KCNT1: variants seen among roughly 807,000 people sequenced by gnomAD.
The protein encoded by KCNT1 is potassium channel subfamily T member 1.
A neutral mutation model predicts 147.8 loss-of-function variants in KCNT1; 78 were observed. The ratio of observed to expected loss-of-function variants is 0.53; its 90% CI spans 0.44 to 0.64. The LOEUF is 0.64. Among genes scored for constraint, KCNT1 ranks in the 30% least tolerant of loss-of-function variants. The pLI, the probability that KCNT1 is intolerant of heterozygous loss-of-function variation, is 0.00. For synonymous variants in KCNT1, 867 were observed against 748.8 expected (o/e 1.16, Z -2.58); for missense variants, 1,419 against 1,750.3 (o/e 0.81, Z 3.38).
At chr9:135,724,613 A>G (rs1293532086) in intron 2 of KCNT1, among the ~76,000 whole-genome samples, 1 of 152,256 alleles carries the variant, frequency 6.6e-6, no homozygotes, top group Non-Finnish European at 1.5e-5. Context: ...CTGGTTAAAT[A>G]TGACTGTCAG....
intron 9 of KCNT1, 58 bp downstream of exon 9, chr9:135,757,439 G>A: frequency 6.7e-7 from 1 of 1,501,556 alleles, no homozygotes; most frequent in East Asian, 2.3e-5. Context: ...AGCCTCACCG[G>A]CCCTGGAAGA....
chr9:135,732,448 A>G (rs1830139925), intron 2 of KCNT1, among the ~76,000 whole-genome samples: 1 of 152,098 alleles, frequency 6.6e-6, no homozygotes, highest in Non-Finnish European at 1.5e-5. Context: ...TGCTGGTCAG[A>G]GCCAGCCATC....
At chr9:135,722,092 T>C (rs1281167391) in intron 2 of KCNT1, among the ~76,000 whole-genome samples, 8 of 152,118 alleles carry the variant, frequency 5.3e-5, no homozygotes. Flanking sequence ...AACGGTGTCT[T>C]GTGGGGCATC....
intron 2 of KCNT1, among the ~76,000 whole-genome samples, chr9:135,731,983 TATATATATAGAGAGAGAGAGAG>T (rs1410705463): frequency 1.2e-4 from 3 of 24,906 alleles, no homozygotes; most frequent in African/African-American, 3.0e-4. Flanking sequence ...TATATATATA[TATATATATAGAGAGAGAGAGAG>T]AGAGAGAGAG....
intron 6 of KCNT1, among the ~76,000 whole-genome samples, chr9:135,756,313 T>C (rs143778620): frequency 3.3e-5 from 5 of 152,226 alleles, no homozygotes; most frequent in Admixed American, 6.5e-5. Context: ...AATCTCTCCC[T>C]CCACTGACCC....
rs960306857 is a variant in KCNT1, at chr9:135,730,842, C to T, written c.254+16122C>T. On this transcript the variant is annotated intron_variant, in intron 2 of 30. Coordinates refer to ENST00000371757, the MANE Select transcript of KCNT1 (RefSeq NM_020822.3). This position sits in a 1 kb window ranked among gnomAD's most constrained non-coding sequence, Gnocchi z 4.7. Reference sequence around the variant, plus strand: ...CTCTACAAAAAATACAAAACTTAGCCGAGCATGGTGGTGCATGCCTGTAGT... The same window carrying T: ...CTCTACAAAAAATACAAAACTTAGCTGAGCATGGTGGTGCATGCCTGTAGT... Among the ~76,000 whole-genome samples the T allele has an allele frequency of 7.2e-5, 11 of 151,740 alleles. No homozygotes were observed. Among genetic ancestry groups the T allele is most frequent in the African/African-American group, 2.4e-4 (10 of 41,304 alleles).
At chr9:135,706,693 G>A (rs1487136179) in intron 1 of KCNT1, among the ~76,000 whole-genome samples, 1 of 152,178 alleles carries the variant, frequency 6.6e-6, no homozygotes, top group Non-Finnish European at 1.5e-5. Flanking sequence ...TGCTTCACAG[G>A]CACCAATAGT....
At chr9:135,716,446 G>T (rs181528350) in intron 2 of KCNT1, among the ~76,000 whole-genome samples, 30 of 152,326 alleles carry the variant, frequency 2.0e-4, no homozygotes, top group African/African-American at 7.0e-4. Context: ...GATCCTGGGT[G>T]TGGTTTTTTA....
chr9:135,748,087 A>G (rs1314335059), intron 2 of KCNT1, among the ~76,000 whole-genome samples: 2 of 152,172 alleles, frequency 1.3e-5, no homozygotes, highest in Non-Finnish European at 2.9e-5. Context: ...GACTACAGGC[A>G]CGTGCCGCCA....
intron 15 of KCNT1, among the ~76,000 whole-genome samples, chr9:135,769,303 G>T (rs1001461714): frequency 1.3e-5 from 2 of 149,342 alleles, no homozygotes; most frequent in Non-Finnish European, 3.0e-5. Flanking sequence ...GGCAGGGCGC[G>T]TGTGCACACG....
At chr9:135,786,854 C>T (rs1834096831) in intron 29 of KCNT1, among the ~76,000 whole-genome samples, 1 of 152,246 alleles carries the variant, frequency 6.6e-6, no homozygotes, top group South Asian at 2.1e-4. Flanking sequence ...GTTTCCCTCT[C>T]TGCCAAATTA....
In KCNT1 at chr9:135,752,121, G is replaced by A. The variant is rs1476607979; in HGVS notation, c.434+1080G>A. ...GCGCTGAGGGGCTCTGCAGCCACGT[G>A]TGTGGTGTGGTTGTCACCATCCAGC... is the stretch of plus-strand genomic sequence containing the variant. On this transcript the variant is annotated intron_variant, in intron 4 of 30. Coordinates refer to ENST00000371757, the MANE Select transcript of KCNT1 (RefSeq NM_020822.3). The surrounding 1 kb of genome is among the most constrained non-coding windows in gnomAD (Gnocchi z 5.1). 3.1e-6 allele frequency: 1 copy of A among 321,260 alleles called. No individual in the cohort carries two copies. Among genetic ancestry groups the A allele is most frequent in the Non-Finnish European group, 6.2e-6 (1 of 162,302 alleles). 19.9% of individuals were successfully genotyped at this position (321,260 alleles called of 1,614,324 possible). A position where few individuals can be genotyped will look rare whatever the true frequency, so the allele number is the denominator to read the frequency against.
At chr9:135,746,160 A>G (rs1830823627) in intron 2 of KCNT1, among the ~76,000 whole-genome samples, 1 of 152,188 alleles carries the variant, frequency 6.6e-6, no homozygotes, top group Non-Finnish European at 1.5e-5. Context: ...AATTAAAAGC[A>G]GAGGAGGCTT....
At chr9:135,768,401 C>T (rs1445125219) in intron 13 of KCNT1, 3 of 467,864 alleles carry the variant, frequency 6.4e-6, no homozygotes, top group Admixed American at 3.8e-5. Flanking sequence ...GACTCCTGAC[C>T]AGCAGAGAGT....
At chr9:135,763,789 C>T (rs1267308122) in intron 11 of KCNT1, among the ~76,000 whole-genome samples, 2 of 152,180 alleles carry the variant, frequency 1.3e-5, no homozygotes, top group African/African-American at 4.8e-5. Context: ...GCAGATAGGA[C>T]TTTTAGGGTC....
At chr9:135,786,755 A>T (rs1327428209) in intron 29 of KCNT1, among the ~76,000 whole-genome samples, 3 of 152,186 alleles carry the variant, frequency 2.0e-5, no homozygotes, top group Non-Finnish European at 4.4e-5. Flanking sequence ...GCCATGGCCC[A>T]CCCTGGTGCT....
intron 29 of KCNT1, chr9:135,790,900 G>A (rs1834448025): frequency 6.6e-6 from 1 of 152,292 alleles, no homozygotes; most frequent in Non-Finnish European, 1.5e-5. Flanking sequence ...CTGGGATGGT[G>A]GCCTCTCCCT....
intron 29 of KCNT1, chr9:135,788,065 C>T (rs12555229): frequency 1.3e-6 from 2 of 1,508,048 alleles, no homozygotes; most frequent in Non-Finnish European, 1.8e-6. Flanking sequence ...CTCTCTCTCT[C>T]TTTCTGTCTG....
chr9:135,753,931 C>T lies in KCNT1; in HGVS notation c.435-6C>T, dbSNP rs370235990. 2.2e-5 allele frequency: 35 copies of T among 1,613,890 alleles called. No homozygotes were observed. Among genetic ancestry groups the T allele is most frequent in the Non-Finnish European group, 2.8e-5 (33 of 1,179,924 alleles). ...AGGGCCGGGCCAGCGCTGTGTCTCT[C>T]CACAGCTGGGGCTGCCCAAAGCAGA... is the stretch of plus-strand genomic sequence containing the variant. On this transcript the variant is annotated splice_region_variant and splice_polypyrimidine_tract_variant and intron_variant, in intron 4 of 30. Transcript: ENST00000371757.
Sources: gnomAD v4.1 joint callset for allele counts (sites outside exome capture counted in the v4.1 genomes callset) on GRCh38, gnomAD v4.1.1 for gene constraint, Gnocchi (gnomAD v3.1) non-coding constraint, MANE v1.5 for transcripts, NCBI Gene and HGNC (gene_info 2026-07-23, HGNC 2026-07-21) for gene names.